RBM25: variants seen among roughly 807,000 people sequenced by gnomAD.
The protein encoded by RBM25 is RNA-binding protein 25.
RBM25 carries 19 observed loss-of-function variants against 120.7 expected under a neutral mutation model. The ratio of observed to expected loss-of-function variants is 0.16; its 90% CI spans 0.11 to 0.23. RBM25 has a LOEUF of 0.23. Among genes scored for constraint, RBM25 ranks in the 10% least tolerant of loss-of-function variants. The probability of loss-of-function intolerance (pLI) is 1.00; values close to 1 mark genes in which losing one functional copy is unlikely to be tolerated. For missense variants in RBM25, 605 were observed against 1,041.5 expected (o/e 0.58, Z 5.77); for synonymous variants, 390 against 326.7 (o/e 1.19, Z -2.09).
chr14:73,077,060 G>C (rs532550144), intron 3 of RBM25, among the ~76,000 whole-genome samples: 1 of 152,314 alleles, frequency 6.6e-6, no homozygotes, highest in Non-Finnish European at 1.5e-5. Context: ...CAGCCTGGGC[G>C]ACAGAGCGAA....
chr14:73,073,837 A>G (rs1210172304), intron 2 of RBM25, among the ~76,000 whole-genome samples: 1 of 152,204 alleles, frequency 6.6e-6, no homozygotes, highest in East Asian at 1.9e-4. Flanking sequence ...ATTTGTTATC[A>G]TCTGCTGCCA....
chr14:73,118,533 G>A (rs1464493147), intron 18 of RBM25, among the ~76,000 whole-genome samples: 4 of 151,718 alleles, frequency 2.6e-5, no homozygotes, highest in Non-Finnish European at 5.9e-5. Flanking sequence ...ATGAAATTCT[G>A]TATTGTTATT....
chr14:73,095,171 T>A (rs1895913900), intron 6 of RBM25, among the ~76,000 whole-genome samples: 1 of 152,110 alleles, frequency 6.6e-6, no homozygotes, highest in African/African-American at 2.4e-5. Context: ...AGTTTTGTAA[T>A]AACATGTAAT....
chr14:73,121,342 A>C lies in RBM25; in HGVS notation c.*1537A>C, dbSNP rs1896537973. The C allele has an allele frequency of 6.6e-6, 1 of 152,600 alleles. No homozygotes were observed. Among genetic ancestry groups the C allele is most frequent in the African/African-American group, 2.4e-5 (1 of 41,434 alleles). 9.5% of individuals were successfully genotyped at this position (152,600 alleles called of 1,614,324 possible). A position where few individuals can be genotyped will look rare whatever the true frequency, so the allele number is the denominator to read the frequency against. On this transcript the variant is annotated 3_prime_UTR_variant, in exon 19 of 19. Transcript: ENST00000261973. Reference sequence around the variant, plus strand: ...TGGGGACTCATATTCTTTCAGAATCATGTAAATAAATGGCATCATGTTGTA... The same window carrying C: ...TGGGGACTCATATTCTTTCAGAATCCTGTAAATAAATGGCATCATGTTGTA...
rs529746266 is a variant in RBM25, at chr14:73,118,253, A to G, written c.2440-1460A>G. 2.6e-5 allele frequency among the ~76,000 whole-genome samples: 4 copies of G among 152,300 alleles called. No individual in the cohort carries two copies. In the South Asian group the frequency reaches 6.2e-4, roughly 24 times the overall value. On this transcript the variant is annotated intron_variant, in intron 18 of 18. Transcript: ENST00000261973. ...CACTTTGGAAGGCCAAGGTGCGCAG[A>G]TTGCTTGAGCCCAGGAGTTTGAGAC...
chr14:73,084,329 A>G (rs1311238023), intron 5 of RBM25, among the ~76,000 whole-genome samples: 1 of 152,182 alleles, frequency 6.6e-6, no homozygotes, highest in Non-Finnish European at 1.5e-5. Flanking sequence ...CAACTGAGCT[A>G]ACTGGCCAGA....
intron 10 of RBM25, among the ~76,000 whole-genome samples, chr14:73,103,905 GTCTCTC>G (rs72346306): frequency 0.014 from 1,241 of 91,338 alleles, 7 homozygotes; most frequent in South Asian, 0.042. Context: ...CTGTCTGTCT[GTCTCTC>G]TCTCTCTCTC....
intron 1 of RBM25, among the ~76,000 whole-genome samples, chr14:73,058,969 C>T (rs1017176483): frequency 6.6e-6 from 1 of 152,190 alleles, no homozygotes; most frequent in South Asian, 2.1e-4. Context: ...CCCACTTTCC[C>T]TTTCCCTTCC....
At chr14:73,058,809 G>A (rs1894925341) in intron 1 of RBM25, 104 bp downstream of exon 1, 2 of 150,448 alleles carry the variant, frequency 1.3e-5, no homozygotes, top group Admixed American at 6.6e-5. Context: ...GGGTGGGGTA[G>A]AGGTAAGGGG....
chr14:73,079,145 A>G (rs961378008), intron 4 of RBM25, among the ~76,000 whole-genome samples: 3 of 149,658 alleles, frequency 2.0e-5, no homozygotes, highest in Non-Finnish European at 4.5e-5. Flanking sequence ...AAATAAGGCC[A>G]GGTGCGGTGT....
At chr14:73,081,304 A>G (rs1008768957) in intron 4 of RBM25, among the ~76,000 whole-genome samples, 2 of 151,978 alleles carry the variant, frequency 1.3e-5, no homozygotes, top group African/African-American at 4.8e-5. Flanking sequence ...CGTCCGGCTA[A>G]TTTTTGTATT....
At chr14:73,117,341 C>T (rs1423606832) in intron 18 of RBM25, among the ~76,000 whole-genome samples, 2 of 147,806 alleles carry the variant, frequency 1.4e-5, no homozygotes, top group Non-Finnish European at 1.5e-5. Context: ...AAGCAATTCT[C>T]CTGCTTCAGC....
chr14:73,105,394 AAC>A (rs1896163900), intron 10 of RBM25, among the ~76,000 whole-genome samples: 1 of 152,214 alleles, frequency 6.6e-6, no homozygotes. Flanking sequence ...TAATCCATGC[AAC>A]ATGTCAGAAT....
intron 6 of RBM25, among the ~76,000 whole-genome samples, chr14:73,089,180 T>A (rs1348472575): frequency 6.6e-6 from 1 of 151,720 alleles, no homozygotes; most frequent in African/African-American, 2.4e-5. Context: ...CCTTTCATGT[T>A]CCCTCCAAGT....
intron 6 of RBM25, among the ~76,000 whole-genome samples, chr14:73,094,683 G>A (rs552201544): frequency 1.3e-5 from 2 of 152,114 alleles, no homozygotes; most frequent in African/African-American, 4.8e-5. Flanking sequence ...CGCTGCACGC[G>A]GCTGGGGAAT....
chr14:73,100,340 T>C (rs1316985379), intron 9 of RBM25: 6 of 687,540 alleles, frequency 8.7e-6, no homozygotes, highest in Non-Finnish European at 1.6e-5. Context: ...ACTCTCAGCT[T>C]GGAAAGTAAC....
intron 5 of RBM25, among the ~76,000 whole-genome samples, chr14:73,087,419 G>A (rs957062199): frequency 3.5e-5 from 5 of 144,412 alleles, no homozygotes; most frequent in East Asian, 2.0e-4. Flanking sequence ...TTTTTGAGAC[G>A]GAGTCTCGCT....
chr14:73,112,261 T>A lies in RBM25; in HGVS notation c.2391+11T>A, dbSNP rs931504931. On this transcript the variant is annotated intron_variant, in intron 17 of 18. Coordinates refer to ENST00000261973, the MANE Select transcript of RBM25 (RefSeq NM_021239.3). Reference sequence around the variant, plus strand: ...TTTGTTTGTTCTAAGGTTAGTCTTCTATTCTCTTCCATGCCAGCATTTATT... The same window carrying A: ...TTTGTTTGTTCTAAGGTTAGTCTTCAATTCTCTTCCATGCCAGCATTTATT... 6.4e-6 allele frequency: 10 copies of A among 1,559,706 alleles called. No individual in the cohort carries two copies. The Admixed American group carries it at 1.1e-4, about 17-fold the overall frequency.
At chr14:73,059,744 G>A (rs1352980692) in intron 1 of RBM25, among the ~76,000 whole-genome samples, 2 of 152,172 alleles carry the variant, frequency 1.3e-5, no homozygotes, top group African/African-American at 4.8e-5. Flanking sequence ...TTGGTCATAA[G>A]TTACTCATGA....
Sources: gnomAD v4.1 joint callset for allele counts (sites outside exome capture counted in the v4.1 genomes callset) on GRCh38, gnomAD v4.1.1 for gene constraint, MANE v1.5 for transcripts, NCBI Gene and HGNC (gene_info 2026-07-23, HGNC 2026-07-21) for gene names.